ATXN1: variants seen among roughly 807,000 people sequenced by gnomAD.
The protein encoded by ATXN1 is ataxin-1.
A neutral mutation model predicts 56.4 loss-of-function variants in ATXN1; 8 were observed. The observed-to-expected ratio is 0.14, with a 90% confidence interval of 0.08 to 0.26. The LOEUF (loss-of-function observed/expected upper bound fraction) is 0.26, where lower values mean the gene tolerates loss of function less well. Ranked by LOEUF, ATXN1 falls within the 10% of genes least tolerant of loss-of-function variation. ATXN1 has a pLI of 1.00. For synonymous variants in ATXN1, 514 were observed against 494.6 expected (o/e 1.04, Z -0.52); for missense variants, 987 against 1,106.5 (o/e 0.89, Z 1.53).
chr6:16,445,187 G>T (rs1031893551), intron 6 of ATXN1, among the ~76,000 whole-genome samples: 8 of 152,146 alleles, frequency 5.3e-5, no homozygotes, highest in African/African-American at 1.9e-4. Flanking sequence ...AGGAAAATAT[G>T]AATACTGACG....
chr6:16,578,427 T>C (rs1275413859), intron 4 of ATXN1, among the ~76,000 whole-genome samples: 27 of 152,366 alleles, frequency 1.8e-4, no homozygotes, highest in Non-Finnish European at 1.5e-5. Flanking sequence ...GGCTACCCCA[T>C]TCCAGAAAAT....
At chr6:16,620,827 T>G (rs1395401741) in intron 3 of ATXN1, among the ~76,000 whole-genome samples, 1 of 152,102 alleles carries the variant, frequency 6.6e-6, no homozygotes, top group Non-Finnish European at 1.5e-5. Context: ...CCCCACCTAC[T>G]CCGCTGGCCA....
chr6:16,412,796 T>C (rs1216810525), intron 6 of ATXN1, among the ~76,000 whole-genome samples: 1 of 152,222 alleles, frequency 6.6e-6, no homozygotes, highest in Admixed American at 6.5e-5. Context: ...CACAAAGTAG[T>C]AGATTTCCAA....
At chr6:16,388,431 C>T (rs1758284642) in intron 6 of ATXN1, among the ~76,000 whole-genome samples, 1 of 152,166 alleles carries the variant, frequency 6.6e-6, no homozygotes, top group Non-Finnish European at 1.5e-5. Flanking sequence ...AGATTGTCTG[C>T]TTCCATCAGA....
intron 5 of ATXN1, among the ~76,000 whole-genome samples, chr6:16,489,993 A>G (rs1760628818): frequency 6.6e-6 from 1 of 152,068 alleles, no homozygotes; most frequent in Non-Finnish European, 1.5e-5. Context: ...AGACTTTGAG[A>G]ACCACTTCTC....
intron 4 of ATXN1, among the ~76,000 whole-genome samples, chr6:16,552,963 C>T (rs73724897): frequency 0.012 from 1,817 of 152,340 alleles, 34 homozygotes; most frequent in African/African-American, 0.041. Flanking sequence ...GCCAGAGAAC[C>T]AAAGGGCTTC....
At chr6:16,693,865 C>A (rs1242111112) in intron 2 of ATXN1, among the ~76,000 whole-genome samples, 2 of 152,190 alleles carry the variant, frequency 1.3e-5, no homozygotes, top group Non-Finnish European at 2.9e-5. Flanking sequence ...AGTCCACCCC[C>A]AGTCACCCTT....
intron 2 of ATXN1, among the ~76,000 whole-genome samples, chr6:16,704,351 C>T (rs76775876): frequency 9.9e-5 from 15 of 152,220 alleles, no homozygotes; most frequent in Admixed American, 2.0e-4. Flanking sequence ...GATTGACTGT[C>T]GGTCTACAGA....
intron 4 of ATXN1, among the ~76,000 whole-genome samples, chr6:16,534,653 T>C (rs1223848742): frequency 6.6e-6 from 1 of 152,132 alleles, no homozygotes. Flanking sequence ...ACACCACTGG[T>C]CCATTTCCTC....
chr6:16,683,699 T>C (rs1570488), intron 2 of ATXN1, among the ~76,000 whole-genome samples: 124,474 of 152,174 alleles, frequency 0.82, 51,103 homozygotes, highest in African/African-American at 0.85. Context: ...AACTTTGAAC[T>C]CCATTCTAGT....
At chr6:16,568,024 T>C (rs1347008580) in intron 4 of ATXN1, among the ~76,000 whole-genome samples, 6 of 152,202 alleles carry the variant, frequency 3.9e-5, no homozygotes, top group Non-Finnish European at 8.8e-5. Context: ...TCTTTTAACC[T>C]TTAAAAACCA....
chr6:16,331,944 T>C (rs1761002417), intron 6 of ATXN1, among the ~76,000 whole-genome samples: 1 of 152,244 alleles, frequency 6.6e-6, no homozygotes, highest in Non-Finnish European at 1.5e-5. Flanking sequence ...TGGACTGGTC[T>C]TCTGCGAAAT....
chr6:16,409,798 C>T (rs530922181), intron 6 of ATXN1, among the ~76,000 whole-genome samples: 17 of 151,320 alleles, frequency 1.1e-4, no homozygotes, highest in African/African-American at 4.1e-4. Context: ...ACCCCACAGC[C>T]TCACATGTCT....
At chr6:16,469,969 A>G (rs1485796578) in intron 6 of ATXN1, among the ~76,000 whole-genome samples, 1 of 152,138 alleles carries the variant, frequency 6.6e-6, no homozygotes, top group Non-Finnish European at 1.5e-5. Context: ...TCAAAAAAAA[A>G]AAAAAGAAAA....
rs145681653 is a variant in ATXN1, at chr6:16,327,435, T to C, written c.876A>G (p.Gln292=). The C allele has an allele frequency of 2.1e-4, 339 of 1,613,588 alleles. No homozygotes were observed. The highest frequency in any genetic ancestry group is 2.6e-4 in the Non-Finnish European group (307 of 1,179,996). ...CAAAGTGGCTGCCGGAGTCGGCGTA[T>C]TGCATGACGACCTGGGAGGGGGGCC... ...TLGPPSQVVM[Q]YADSGSHFVP... is the part of the protein sequence containing the mutation. The change falls in exon 7 of 8, where the codon CAA becomes CAG. Residue 292 remains glutamine (Q), a synonymous_variant. Transcript: ENST00000436367.
chr6:16,331,321 G>A (rs1437567562), intron 6 of ATXN1, among the ~76,000 whole-genome samples: 1 of 152,160 alleles, frequency 6.6e-6, no homozygotes, highest in Non-Finnish European at 1.5e-5. Context: ...TTTTGTAAGT[G>A]ACAAATAACT....
chr6:16,602,002 T>TA (rs1475329389), intron 3 of ATXN1, among the ~76,000 whole-genome samples: 2 of 152,190 alleles, frequency 1.3e-5, no homozygotes, highest in South Asian at 2.1e-4. Context: ...TCATAAATCT[T>TA]AAAGTTTTCA....
At chr6:16,329,249 G>C (rs1760923326) in intron 6 of ATXN1, among the ~76,000 whole-genome samples, 1 of 152,082 alleles carries the variant, frequency 6.6e-6, no homozygotes, top group Non-Finnish European at 1.5e-5. Context: ...TGCCCTCAGA[G>C]CCAGGCACTG....
At chr6:16,672,189 C>T (rs1758553395) in intron 2 of ATXN1, among the ~76,000 whole-genome samples, 1 of 152,226 alleles carries the variant, frequency 6.6e-6, no homozygotes, top group African/African-American at 2.4e-5. Context: ...TTCCCCCCAA[C>T]ACGTTTCCCT....
Sources: gnomAD v4.1 joint callset for allele counts (sites outside exome capture counted in the v4.1 genomes callset) on GRCh38, gnomAD v4.1.1 for gene constraint, MANE v1.5 for transcripts, NCBI Gene and HGNC (gene_info 2026-07-23, HGNC 2026-07-21) for gene names.